ITIH1: variants seen among roughly 807,000 people sequenced by gnomAD.
ITIH1 encodes the protein inter-alpha-trypsin inhibitor heavy chain H1.
Under a neutral mutation model 104.6 loss-of-function variants are expected in ITIH1, and 94 were observed. The observed-to-expected ratio is 0.90, with a 90% CI of 0.76 to 1.07. The LOEUF is 1.07. Among genes scored for constraint, ITIH1 ranks in the 50% least tolerant of loss-of-function variants. ITIH1 has a pLI of 0.00. For synonymous variants in ITIH1, 455 were observed against 464.4 expected, an observed-to-expected ratio of 0.98 and a Z score of 0.26; for missense variants, 1,193 against 1,181.4, an observed-to-expected ratio of 1.01 and a Z score of -0.14.
In ITIH1 at chr3:52,783,201, C is replaced by A; in HGVS notation, c.1100-13C>A. 6.2e-7 allele frequency: 1 copy of A among 1,614,156 alleles called. No homozygotes were observed. On this transcript the variant is annotated splice_polypyrimidine_tract_variant and intron_variant, in intron 9 of 21. Coordinates refer to ENST00000273283, the MANE Select transcript of ITIH1 (RefSeq NM_002215.4). Reference sequence around the variant, plus strand: ...ATGAGGGCATACACTGGTCTGCTTTCTCTTCCTTGCAGCCACAAACCTGAA... The same window carrying A: ...ATGAGGGCATACACTGGTCTGCTTTATCTTCCTTGCAGCCACAAACCTGAA...
chr3:52,787,507 G>A, intron 15 of ITIH1, 85 bp from the exon 16 acceptor site: 1 of 1,527,166 alleles, frequency 6.5e-7, no homozygotes, highest in Admixed American at 1.7e-5. Flanking sequence ...CTGGGCCCAG[G>A]CCTGTTGTGG....
Position 52,783,418 on chromosome 3 carries a change from A to G in ITIH1, c.1225+79A>G, listed in dbSNP as rs1699114923. The G allele has an allele frequency of 2.0e-6, 3 of 1,495,070 alleles. No homozygotes were observed. In the African/African-American group the frequency reaches 4.2e-5, roughly 21 times the overall value. The allele number at this position is 1,495,070 out of a possible 1,614,324, so 92.6% of individuals were successfully genotyped here. A position where few individuals can be genotyped will look rare whatever the true frequency, so the allele number is the denominator to read the frequency against. On this transcript the variant is annotated intron_variant, in intron 10 of 21. Transcript: ENST00000273283. The stretch of plus-strand genomic sequence containing the variant: ...CATGCAAGCTGAAGTTGGAAACCCA[A>G]CCATTGGAGATGCCATCAGGGGGCA...
intron 8 of ITIH1, 56 bp from the exon 9 acceptor site, chr3:52,782,901 C>T: frequency 6.4e-7 from 1 of 1,559,592 alleles, no homozygotes; most frequent in Non-Finnish European, 8.8e-7. Flanking sequence ...TTGGAAGGTG[C>T]TGTCCTGGGG....
Position 52,789,723 on chromosome 3 carries a change from C to T in ITIH1, c.2190C>T (p.Phe730=), listed in dbSNP as rs976412910. ...CTGGGCAGCATGACGGCACGTACTTCGGGCGGCTGGGAATCGCAAACCCTG... is the reference window on the plus strand; with the variant it reads ...CTGGGCAGCATGACGGCACGTACTTTGGGCGGCTGGGAATCGCAAACCCTG... ...RSPGQHDGTY[F]GRLGIANPAT... The change falls in exon 19 of 22, where the codon TTC becomes TTT. Residue 730 remains phenylalanine (F), a synonymous_variant. Coordinates refer to ENST00000273283, the MANE Select transcript of ITIH1 (RefSeq NM_002215.4). 2 of 1,614,202 alleles carry T rather than the reference C, an allele frequency of 1.2e-6. No individual in the cohort carries two copies. Among genetic ancestry groups the T allele is most frequent in the African/African-American group, 1.3e-5 (1 of 75,050 alleles).
At chr3:52,787,267 C>T in intron 15 of ITIH1, 65 bp downstream of exon 15, 2 of 1,601,442 alleles carry the variant, frequency 1.2e-6, no homozygotes, top group East Asian at 4.5e-5. Flanking sequence ...GCAGGTGCTC[C>T]AGCCCCAGGC....
rs1699030842 is a variant in ITIH1 at position 52,781,206 on chromosome 3, TTTTTCTTCTTCTTCTTCTTCTTCTTCTTC to T, written c.688-731_688-703del. Among the ~76,000 whole-genome samples, 27 of 74,524 alleles carry T rather than the reference TTTTTCTTCTTCTTCTTCTTCTTCTTCTTC, an allele frequency of 3.6e-4. 1 individual carries two copies. Among genetic ancestry groups the T allele is most frequent in the African/African-American group, 1.3e-3 (20 of 15,882 alleles). The allele number at this position is 74,524 out of a possible 152,430, so 48.9% of individuals were successfully genotyped here. ...TTCACCTCCTCCTCTTCTTTTTTTT[TTTTTCTTCTTCTTCTTCTTCTTCTTCTTC>T]TTCTTCTTCTTCTTCTTCTTCTTCT... On this transcript the variant is annotated intron_variant, in intron 6 of 21. Coordinates refer to ENST00000273283, the MANE Select transcript of ITIH1 (RefSeq NM_002215.4).
intron 1 of ITIH1, 48 bp from the exon 2 acceptor site, chr3:52,777,949 G>A: frequency 6.2e-7 from 1 of 1,612,844 alleles, no homozygotes; most frequent in Non-Finnish European, 8.5e-7. Flanking sequence ...GCAGGCCGGT[G>A]GTCCCCTGAG....
chr3:52,788,622 G>A (rs545044444), intron 18 of ITIH1, among the ~76,000 whole-genome samples: 37 of 149,966 alleles, frequency 2.5e-4, no homozygotes, highest in African/African-American at 7.3e-4. Flanking sequence ...GTACAGTGGC[G>A]TTATCTCAGC....
At chr3:52,790,654 T>C in intron 19 of ITIH1, 95 bp from the exon 20 acceptor site, 1 of 1,258,980 alleles carries the variant, frequency 7.9e-7, no homozygotes, top group Non-Finnish European at 1.1e-6. Flanking sequence ...GGTGGGGGCG[T>C]GGTCATAAGG....
chr3:52,777,887 G>A (rs908488673), intron 1 of ITIH1, 110 bp from the exon 2 acceptor site: 12 of 1,458,420 alleles, frequency 8.2e-6, no homozygotes, highest in African/African-American at 1.4e-5. Flanking sequence ...CCAAGGAGGT[G>A]AAGCTAAGGG....
In ITIH1 at chr3:52,778,351, C is replaced by CG. The variant is rs1226027236; in HGVS notation, c.151dup (p.Val51GlyfsTer31). ...ATGTCTCACTTTAGGCTGTCGATGG[C>CG]GTGTTCATCCGGAGTTTGAAAGTCA... is the stretch of plus-strand genomic sequence containing the variant. On this transcript the variant is annotated frameshift_variant, in exon 3 of 22. Transcript: ENST00000273283. LOFTEE classifies it high-confidence loss of function. The CG allele has an allele frequency of 1.2e-6, 2 of 1,614,072 alleles. No homozygotes were observed. Among genetic ancestry groups the CG allele is most frequent in the Non-Finnish European group, 8.5e-7 (1 of 1,180,002 alleles).
At position 52,789,808 on chromosome 3, in the gene ITIH1, G is replaced by A; in HGVS notation, c.2275G>A (p.Gly759Arg). ...QNITLNPGFG[G>R]PVFSWRDQAV... ...CATTACGCTGAACCCCGGCTTTGGT[G>A]GGCCTGTGTTTTCCTGGAGGGACCA... The change falls in exon 19 of 22, where the codon GGG (glycine) becomes AGG (arginine). Residue 759 changes from glycine to arginine, a missense_variant. Transcript: ENST00000273283. 1 of 1,614,258 alleles carries A rather than the reference G, an allele frequency of 6.2e-7. No homozygotes were observed. Among genetic ancestry groups the A allele is most frequent in the Non-Finnish European group, 8.5e-7 (1 of 1,180,046 alleles).
At position 52,790,803 on chromosome 3, in the gene ITIH1, T is replaced by C. The variant is rs746835956; in HGVS notation, c.2376T>C (p.Gly792=). The C allele has an allele frequency of 7.4e-6, 12 of 1,613,022 alleles. No homozygotes were observed. Among genetic ancestry groups the C allele is most frequent in the Non-Finnish European group, 1.0e-5 (12 of 1,179,562 alleles). The change falls in exon 20 of 22, where the codon GGT becomes GGC. Residue 792 remains glycine (G), a synonymous_variant. Coordinates refer to ENST00000273283, the MANE Select transcript of ITIH1 (RefSeq NM_002215.4). ...ACCTGGTGGTGTCTGTGGACGACGGTGGCACCTTTGAGGTTGTTTTGCACC... is the reference window on the plus strand; with the variant it reads ...ACCTGGTGGTGTCTGTGGACGACGGCGGCACCTTTGAGGTTGTTTTGCACC... ...KRNLVVSVDD[G]GTFEVVLHRV...
At chr3:52,778,236 G>A in intron 2 of ITIH1, 104 bp from the exon 3 acceptor site, 2 of 1,235,734 alleles carry the variant, frequency 1.6e-6, no homozygotes, top group South Asian at 2.6e-5. Context: ...TCCTGCATCT[G>A]GGCACCATGC....
In ITIH1 at chr3:52,788,163, G is replaced by T. The variant is rs542839724; in HGVS notation, c.2006-69G>T. The T allele has an allele frequency of 7.1e-5, 108 of 1,518,712 alleles. No homozygotes were observed. In the African/African-American group the frequency reaches 1.3e-3, roughly 18 times the overall value. 94.1% of individuals were successfully genotyped at this position (1,518,712 alleles called of 1,614,324 possible). On this transcript the variant is annotated intron_variant, in intron 17 of 21. Transcript: ENST00000273283. ...GTCTCTCTCTGGGACCTGCCTAGCTGAACCCCAACCCCTGGCCAGCCCCAT... is the reference window on the plus strand; with the variant it reads ...GTCTCTCTCTGGGACCTGCCTAGCTTAACCCCAACCCCTGGCCAGCCCCAT...
At chr3:52,784,022 C>A (rs1699133930) in intron 10 of ITIH1, among the ~76,000 whole-genome samples, 1 of 152,168 alleles carries the variant, frequency 6.6e-6, no homozygotes, top group African/African-American at 2.4e-5. Flanking sequence ...CAGGGTCTCG[C>A]AGTCCATGGC....
chr3:52,779,621 T>TCCTGC lies in ITIH1; in HGVS notation c.573+30_573+34dup. The stretch of plus-strand genomic sequence containing the variant: ...TAGATCACAGGTCCCGGGGCAGGGG[T>TCCTGC]CCTGCCCCTCTCTCCGTCACCATGG... On this transcript the variant is annotated intron_variant, in intron 5 of 21. Transcript: ENST00000273283. The surrounding 1 kb of genome is among the most constrained non-coding windows in gnomAD (Gnocchi z 4.4). 1 of 1,608,180 alleles carries TCCTGC rather than the reference T, an allele frequency of 6.2e-7. No individual in the cohort carries two copies. Among genetic ancestry groups the TCCTGC allele is most frequent in the Middle Eastern group, 1.7e-4 (1 of 5,882 alleles).
At chr3:52,787,136 T>G (rs2286799) in intron 14 of ITIH1, 37 bp downstream of exon 14, 1 of 1,614,070 alleles carries the variant, frequency 6.2e-7, no homozygotes, top group African/African-American at 1.3e-5. Flanking sequence ...GGAGAGGCCA[T>G]GGGCCAAAAA....
rs772842921 is a variant in ITIH1, at chr3:52,789,807, T to C, written c.2274T>C (p.Gly758=). ...ACATTACGCTGAACCCCGGCTTTGG[T>C]GGGCCTGTGTTTTCCTGGAGGGACC... ...PQNITLNPGF[G]GPVFSWRDQA... The change falls in exon 19 of 22, where the codon GGT becomes GGC. Residue 758 remains glycine, a synonymous_variant. Transcript: ENST00000273283. 1.9e-6 allele frequency: 3 copies of C among 1,614,078 alleles called. No homozygotes were observed. The highest frequency in any genetic ancestry group is 1.3e-5 in the African/African-American group (1 of 74,954).
Sources: allele counts gnomAD v4.1 joint callset (sites outside exome capture counted in the v4.1 genomes callset), GRCh38; gene constraint gnomAD v4.1.1; non-coding constraint Gnocchi (gnomAD v3.1); transcripts MANE v1.5; gene names NCBI Gene and HGNC (gene_info 2026-07-23, HGNC 2026-07-21).